The following BCL2 variants were observed in gnomAD, a reference collection of about 807,000 sequenced individuals.
BCL2 encodes BCL2 apoptosis regulator.
Under a neutral mutation model 14.2 loss-of-function variants are expected in BCL2, and 1 was observed. The ratio of observed to expected loss-of-function variants is 0.07; its 90% CI spans 0.02 to 0.33. The LOEUF (loss-of-function observed/expected upper bound fraction) is 0.33. Ranked by LOEUF, BCL2 falls within the 10% of genes least tolerant of loss-of-function variation. The pLI is 0.99. For synonymous variants in BCL2, 151 were observed against 137.2 expected (o/e 1.10, Z -0.70); for missense variants, 247 against 305.9 (o/e 0.81, Z 1.44).
chr18:63,192,943 A>G (rs1174662319), intron 2 of BCL2, among the ~76,000 whole-genome samples: 1 of 152,256 alleles, frequency 6.6e-6, no homozygotes. Flanking sequence ...AAACAAGGGT[A>G]ATCAATTCTA....
At chr18:63,254,979 A>G (rs911553856) in intron 2 of BCL2, among the ~76,000 whole-genome samples, 5 of 152,208 alleles carry the variant, frequency 3.3e-5, no homozygotes, top group African/African-American at 1.2e-4. Context: ...CCCTATCTGT[A>G]CTTGGATCTG....
intron 2 of BCL2, among the ~76,000 whole-genome samples, chr18:63,198,273 C>T (rs887427395): frequency 2.5e-4 from 37 of 149,980 alleles, no homozygotes; most frequent in African/African-American, 8.6e-4. Context: ...CACACTGACA[C>T]AGAGACACAC....
At chr18:63,180,506 GCCCAC>G (rs1408326508) in intron 2 of BCL2, among the ~76,000 whole-genome samples, 3 of 148,844 alleles carry the variant, frequency 2.0e-5, no homozygotes, top group Non-Finnish European at 3.0e-5. Context: ...GAAGCTGTCC[GCCCAC>G]CCCACCCCAG....
chr18:63,218,675 C>T (rs930586394), intron 2 of BCL2, among the ~76,000 whole-genome samples: 7 of 182 alleles, frequency 0.038, no homozygotes, highest in Non-Finnish European at 0.059. Flanking sequence ...TCCAGTCATC[C>T]CCATCCTCCA....
At chr18:63,148,115 C>G (rs938708976) in intron 2 of BCL2, among the ~76,000 whole-genome samples, 1 of 152,288 alleles carries the variant, frequency 6.6e-6, no homozygotes, top group African/African-American at 2.4e-5. Flanking sequence ...CCGCTCCCCC[C>G]CATTTCAGAT....
intron 2 of BCL2, among the ~76,000 whole-genome samples, chr18:63,141,569 TC>T: frequency 6.6e-6 from 1 of 152,222 alleles, no homozygotes; most frequent in East Asian, 1.9e-4. Flanking sequence ...ACTGGTGACA[TC>T]AGTGTGGCTT....
chr18:63,222,611 A>G (rs990958668), intron 2 of BCL2, among the ~76,000 whole-genome samples: 1 of 152,258 alleles, frequency 6.6e-6, no homozygotes, highest in African/African-American at 2.4e-5. Context: ...TGGAAAGGTT[A>G]GACAGTAGAG....
intron 2 of BCL2, among the ~76,000 whole-genome samples, chr18:63,196,846 G>C (rs1212277841): frequency 1.3e-5 from 2 of 152,170 alleles, no homozygotes; most frequent in African/African-American, 4.8e-5. Context: ...TCATAGTTAT[G>C]AGTTTTTCTC....
intron 2 of BCL2, among the ~76,000 whole-genome samples, chr18:63,270,371 C>G: frequency 6.6e-6 from 1 of 152,122 alleles, no homozygotes; most frequent in East Asian, 1.9e-4. Flanking sequence ...AGTCATCATA[C>G]AGTAGTATAA....
intron 2 of BCL2, among the ~76,000 whole-genome samples, chr18:63,186,996 A>G (rs909317174): frequency 2.6e-5 from 4 of 152,224 alleles, no homozygotes; most frequent in Non-Finnish European, 5.9e-5. Flanking sequence ...ATCCATCTTC[A>G]TTATTGAAAA....
chr18:63,245,094 G>A (rs937152832), intron 2 of BCL2, among the ~76,000 whole-genome samples: 6 of 152,210 alleles, frequency 3.9e-5, no homozygotes, highest in African/African-American at 1.2e-4. Flanking sequence ...CATTACTGGT[G>A]TGTCTGCTTC....
intron 2 of BCL2, among the ~76,000 whole-genome samples, chr18:63,294,000 T>G (rs1035837784): frequency 6.6e-6 from 1 of 152,064 alleles, no homozygotes; most frequent in Middle Eastern, 3.4e-3. Context: ...TTCCATGTGA[T>G]GCACTATGCT....
chr18:63,318,680 A>C lies in BCL2; in HGVS notation c.-14T>G, dbSNP rs758699052. The C allele has an allele frequency of 6.2e-7, 1 of 1,612,400 alleles. No individual in the cohort carries two copies. The highest frequency in any genetic ancestry group is 1.1e-5 in the South Asian group (1 of 91,060). ...AGCGTGCGCCATCCTTCCCAGAGGA[A>C]AAGCAACGGGGGCCAACGGCACCTC... On this transcript the variant is annotated 5_prime_UTR_variant, in exon 2 of 3. Coordinates refer to ENST00000333681, the MANE Select transcript of BCL2 (RefSeq NM_000633.3). This position sits in a 1 kb window ranked among gnomAD's most constrained non-coding sequence, Gnocchi z 7.4.
intron 2 of BCL2, among the ~76,000 whole-genome samples, chr18:63,311,711 G>A (rs1913326917): frequency 1.3e-5 from 2 of 152,166 alleles, no homozygotes. Context: ...ATTGACGCAT[G>A]TGGCCCAAAC....
intron 2 of BCL2, among the ~76,000 whole-genome samples, chr18:63,218,389 G>A (rs905513139): frequency 6.6e-6 from 1 of 152,046 alleles, no homozygotes; most frequent in African/African-American, 2.4e-5. Context: ...CAGCAGAGAG[G>A]TAGAGAGAAG....
chr18:63,214,797 G>A (rs1466224740), intron 2 of BCL2, among the ~76,000 whole-genome samples: 4 of 151,884 alleles, frequency 2.6e-5, no homozygotes, highest in South Asian at 2.1e-4. Context: ...TGCAACCTCC[G>A]CCTCCTGGTT....
intron 2 of BCL2, among the ~76,000 whole-genome samples, chr18:63,282,191 C>T (rs1005246133): frequency 6.6e-6 from 1 of 152,180 alleles, no homozygotes. Flanking sequence ...CTCAATAAGT[C>T]ATTTCAATTA....
At chr18:63,218,765 T>C (rs73473329) in intron 2 of BCL2, among the ~76,000 whole-genome samples, 371 of 4,626 alleles carry the variant, frequency 0.08, no homozygotes, top group Middle Eastern at 0.17. Context: ...CATCCCCCTC[T>C]ACTCATCCCC....
chr18:63,233,673 C>T (rs2144180183), intron 2 of BCL2, among the ~76,000 whole-genome samples: 1 of 152,256 alleles, frequency 6.6e-6, no homozygotes. Flanking sequence ...TCACCTTCTG[C>T]GGTGCTGCCA....
Sources: allele counts gnomAD v4.1 joint callset (sites outside exome capture counted in the v4.1 genomes callset), GRCh38; gene constraint gnomAD v4.1.1; non-coding constraint Gnocchi (gnomAD v3.1); transcripts MANE v1.5; gene names NCBI Gene and HGNC (gene_info 2026-07-23, HGNC 2026-07-21).